Variants in MIS18A observed in about 807,000 individuals in gnomAD.
The protein encoded by MIS18A is protein Mis18-alpha.
MIS18A carries 14 observed loss-of-function variants against 25.0 expected under a neutral mutation model. The observed-to-expected ratio is 0.56, with a 90% CI of 0.37 to 0.88. The LOEUF (loss-of-function observed/expected upper bound fraction) is 0.88. Among genes scored for constraint, MIS18A ranks in the 40% least tolerant of loss-of-function variants. The probability of loss-of-function intolerance (pLI) is 0.00; values close to 1 mark genes in which losing one functional copy is unlikely to be tolerated. For synonymous variants in MIS18A, 134 were observed against 118.6 expected, an observed-to-expected ratio of 1.13 and a Z score of -0.84; for missense variants, 292 against 290.8, an observed-to-expected ratio of 1.00 and a Z score of -0.03.
At chr21:32,271,368 G>A (rs1227266263) in intron 2 of MIS18A, among the ~76,000 whole-genome samples, 1 of 152,184 alleles carries the variant, frequency 6.6e-6, no homozygotes. Context: ...TGAAACACTT[G>A]TAATCACTAA....
chr21:32,278,974 G>A lies in MIS18A; in HGVS notation c.41C>T (p.Ala14Val), dbSNP rs1406525235. The change falls in exon 1 of 5, where the codon GCT (alanine) becomes GTT (valine). Residue 14 changes from alanine (A) to valine (V), a missense_variant. Ala to Val is a moderately conservative substitution (Grantham distance 64, BLOSUM62 0). Coordinates refer to ENST00000290130, the MANE Select transcript of MIS18A (RefSeq NM_018944.3). ...CTTGTCGCCGCACTCACAGCCGCCA[G>A]CGCATCCTCTGCTACACCTCAGTGA... ...VRSLRCSRGCAGGCECGDKGK... is the reference protein window; with the variant it reads ...VRSLRCSRGCVGGCECGDKGK... 1.2e-6 allele frequency: 2 copies of A among 1,611,514 alleles called. No individual in the cohort carries two copies. Among genetic ancestry groups the A allele is most frequent in the South Asian group, 2.2e-5 (2 of 91,084 alleles).
the MIS18A span, among the ~76,000 whole-genome samples, chr21:32,223,422 C>G: frequency 2.2e-4 from 33 of 152,034 alleles, no homozygotes; most frequent in African/African-American, 7.7e-4. Flanking sequence ...ATCAAATAGA[C>G]ACAATAAAAA....
At chr21:32,277,282 A>AT (rs1490839983) in intron 1 of MIS18A, among the ~76,000 whole-genome samples, 1 of 152,240 alleles carries the variant, frequency 6.6e-6, no homozygotes, top group Non-Finnish European at 1.5e-5. Context: ...CAGTCTTTCT[A>AT]TAAGTAACGC....
At chr21:32,155,788 T>C in the MIS18A span, among the ~76,000 whole-genome samples, 2 of 152,336 alleles carry the variant, frequency 1.3e-5, no homozygotes, top group Non-Finnish European at 2.9e-5. Flanking sequence ...TGTGCAATGC[T>C]AGTTTTAGGC....
the MIS18A span, among the ~76,000 whole-genome samples, chr21:32,200,626 G>A: frequency 6.6e-6 from 1 of 151,908 alleles, no homozygotes; most frequent in South Asian, 2.1e-4. Flanking sequence ...TTTTAGTAGA[G>A]ACAGAGTTTC....
At chr21:32,266,887 C>T (rs1268114570), downstream of MIS18A, among the ~76,000 whole-genome samples, 1 of 152,138 alleles carries the variant, frequency 6.6e-6, no homozygotes, top group East Asian at 1.9e-4. Flanking sequence ...CGACCACACA[C>T]TGGGTTTTCC....
the MIS18A span, among the ~76,000 whole-genome samples, chr21:32,254,083 T>C: frequency 6.6e-6 from 1 of 151,596 alleles, no homozygotes; most frequent in African/African-American, 2.4e-5. Flanking sequence ...AAAAATACAA[T>C]AGCCGAGTGT....
intron 2 of MIS18A, among the ~76,000 whole-genome samples, chr21:32,271,443 T>C (rs1430677747): frequency 2.0e-5 from 3 of 152,204 alleles, no homozygotes; most frequent in Non-Finnish European, 2.9e-5. Flanking sequence ...GACTACATCA[T>C]TGTTTACTTA....
chr21:32,223,779 G>A, the MIS18A span, among the ~76,000 whole-genome samples: 1 of 152,158 alleles, frequency 6.6e-6, no homozygotes. Flanking sequence ...CTCATTTTAT[G>A]AGGCCAGCAT....
At chr21:32,244,228 A>T in the MIS18A span, among the ~76,000 whole-genome samples, 5 of 152,210 alleles carry the variant, frequency 3.3e-5, no homozygotes, top group Admixed American at 1.3e-4. Flanking sequence ...CGACAGAAGA[A>T]AGCACAGTGG....
the MIS18A span, among the ~76,000 whole-genome samples, chr21:32,250,915 G>A: frequency 2.6e-5 from 4 of 152,180 alleles, no homozygotes; most frequent in East Asian, 1.9e-4. Context: ...TACATGTGGC[G>A]GAAGGGATCC....
the MIS18A span, among the ~76,000 whole-genome samples, chr21:32,194,551 C>CGGGAGG: frequency 1.3e-5 from 2 of 151,680 alleles, no homozygotes; most frequent in Non-Finnish European, 2.9e-5. Context: ...CCCAGCTACT[C>CGGGAGG]GGGAGGCTGA....
the MIS18A span, among the ~76,000 whole-genome samples, chr21:32,255,613 G>T: frequency 6.6e-6 from 1 of 150,542 alleles, no homozygotes; most frequent in Non-Finnish European, 1.5e-5. Flanking sequence ...TGCTTGGCCA[G>T]GCGCGGTGGC....
chr21:32,239,230 C>A, the MIS18A span, among the ~76,000 whole-genome samples: 10 of 152,158 alleles, frequency 6.6e-5, no homozygotes, highest in Non-Finnish European at 1.0e-4. Flanking sequence ...ACTTGCTTTC[C>A]GTCCGACCTT....
the MIS18A span, among the ~76,000 whole-genome samples, chr21:32,246,942 G>C: frequency 6.6e-6 from 1 of 152,172 alleles, no homozygotes; most frequent in Non-Finnish European, 1.5e-5. Context: ...AAGAAAAAGA[G>C]ACGAGTTGCT....
At chr21:32,243,603 T>C in the MIS18A span, among the ~76,000 whole-genome samples, 2 of 152,198 alleles carry the variant, frequency 1.3e-5, no homozygotes, top group Non-Finnish European at 2.9e-5. Flanking sequence ...TAAACATTTC[T>C]TATAAAGTTA....
At chr21:32,202,963 C>T in the MIS18A span, among the ~76,000 whole-genome samples, 2 of 152,084 alleles carry the variant, frequency 1.3e-5, no homozygotes, top group Non-Finnish European at 2.9e-5. Flanking sequence ...TTCTTTAAGA[C>T]CCTGCTTTCA....
chr21:32,222,950 A>G, the MIS18A span, among the ~76,000 whole-genome samples: 2 of 150,414 alleles, frequency 1.3e-5, no homozygotes, highest in Non-Finnish European at 3.0e-5. Flanking sequence ...AAAAAAAAAA[A>G]AAAAGAAAGA....
the MIS18A span, among the ~76,000 whole-genome samples, chr21:32,174,401 G>C: frequency 6.6e-6 from 1 of 152,094 alleles, no homozygotes; most frequent in Non-Finnish European, 1.5e-5. Flanking sequence ...TGCTGACATA[G>C]CTCTCAAACA....
Sources: allele counts gnomAD v4.1 joint callset (sites outside exome capture counted in the v4.1 genomes callset), GRCh38; gene constraint gnomAD v4.1.1; transcripts MANE v1.5; gene names NCBI Gene and HGNC (gene_info 2026-07-23, HGNC 2026-07-21).